Variants in CSMD1 observed in about 807,000 individuals in gnomAD.
CSMD1 encodes the protein CUB and sushi domain-containing protein 1.
Under a neutral mutation model 417.5 loss-of-function variants are expected in CSMD1, and 213 were observed. The ratio of observed to expected loss-of-function variants is 0.51; its 90% CI spans 0.46 to 0.57. The LOEUF (loss-of-function observed/expected upper bound fraction) is 0.57. Among genes scored for constraint, CSMD1 ranks in the 20% least tolerant of loss-of-function variants. The pLI is 0.00. For missense variants in CSMD1, 6,923 were observed against 4,529.7 expected, an observed-to-expected ratio of 1.53 and a Z score of -15.17; for synonymous variants, 2,862 against 1,736.8, an observed-to-expected ratio of 1.65 and a Z score of -16.11.
intron 8 of CSMD1, among the ~76,000 whole-genome samples, chr8:3,592,527 A>C (rs1241399833): frequency 6.6e-6 from 1 of 152,114 alleles, no homozygotes; most frequent in Non-Finnish European, 1.5e-5. Flanking sequence ...GATGGATGGC[A>C]TGGGGGCAGT....
At chr8:4,443,621 A>T (rs925324446) in intron 2 of CSMD1, among the ~76,000 whole-genome samples, 2 of 152,232 alleles carry the variant, frequency 1.3e-5, no homozygotes, top group Non-Finnish European at 2.9e-5. Flanking sequence ...GCATTCAAAG[A>T]ATGTACTGGA....
At chr8:4,256,469 C>T (rs969423590) in intron 3 of CSMD1, among the ~76,000 whole-genome samples, 2 of 152,062 alleles carry the variant, frequency 1.3e-5, no homozygotes, top group South Asian at 2.1e-4. Context: ...ATGAATTAAC[C>T]GAGTACTGGT....
Position 4,946,904 on chromosome 8 carries a change from T to G in CSMD1, c.85+47428A>C, listed in dbSNP as rs191225348. On this transcript the variant is annotated intron_variant, in intron 1 of 69. Transcript: ENST00000635120. The stretch of plus-strand genomic sequence containing the variant: ...TAATAATCAGAAAATATATGTTTCT[T>G]TTAGAAAGACAGAGCATATGTACAT... Among the ~76,000 whole-genome samples the G allele has an allele frequency of 1.3e-3, 205 of 152,316 alleles. 1 individual carries two copies. Among genetic ancestry groups the G allele is most frequent in the African/African-American group, 4.7e-3 (194 of 41,574 alleles).
At chr8:4,403,623 C>A (rs1438677410) in intron 3 of CSMD1, among the ~76,000 whole-genome samples, 1 of 152,172 alleles carries the variant, frequency 6.6e-6, no homozygotes, top group Admixed American at 6.5e-5. Flanking sequence ...TTTTCACCAT[C>A]TGGTCTACTT....
intron 1 of CSMD1, among the ~76,000 whole-genome samples, chr8:4,968,856 G>A (rs1320257161): frequency 5.9e-5 from 9 of 152,208 alleles, no homozygotes; most frequent in East Asian, 1.9e-4. Context: ...ACTGCACACC[G>A]CTTAGTGCTA....
intron 3 of CSMD1, among the ~76,000 whole-genome samples, chr8:4,323,101 G>A (rs186885259): frequency 6.6e-6 from 1 of 152,302 alleles, no homozygotes; most frequent in East Asian, 1.9e-4. Flanking sequence ...AAAATCATAT[G>A]ATTTTAATGA....
At chr8:4,310,834 A>C (rs1798521752) in intron 3 of CSMD1, among the ~76,000 whole-genome samples, 1 of 152,230 alleles carries the variant, frequency 6.6e-6, no homozygotes, top group South Asian at 2.1e-4. Flanking sequence ...CAGCAGCAAG[A>C]CTATCTCAAA....
At chr8:3,281,176 C>G (rs981863528) in intron 26 of CSMD1, among the ~76,000 whole-genome samples, 2 of 152,204 alleles carry the variant, frequency 1.3e-5, no homozygotes, top group Non-Finnish European at 2.9e-5. Context: ...GGCGAGGTGG[C>G]TCACGCCTGT....
intron 3 of CSMD1, among the ~76,000 whole-genome samples, chr8:4,119,880 T>G (rs1291953537): frequency 6.6e-6 from 1 of 152,184 alleles, no homozygotes; most frequent in Non-Finnish European, 1.5e-5. Context: ...TTCGACAAAG[T>G]ACAGGACAGT....
At chr8:4,609,311 G>A (rs1214358865) in intron 2 of CSMD1, among the ~76,000 whole-genome samples, 4 of 152,172 alleles carry the variant, frequency 2.6e-5, no homozygotes, top group Non-Finnish European at 5.9e-5. Context: ...TGAGGTGGGA[G>A]GATTGCTGGA....
Position 4,241,018 on chromosome 8 carries a change from C to A in CSMD1, c.415+178935G>T, listed in dbSNP as rs115086916. Among the ~76,000 whole-genome samples, 998 of 152,312 alleles carry A rather than the reference C, an allele frequency of 6.6e-3. 13 individuals are homozygous for A. The highest frequency in any genetic ancestry group is 0.023 in the African/African-American group (957 of 41,570). On this transcript the variant is annotated intron_variant, in intron 3 of 69. Coordinates refer to ENST00000635120, the MANE Select transcript of CSMD1 (RefSeq NM_033225.6). ...AACGTCTCAGTGAAAACCCATCTGA[C>A]TGACTAGTGTTATTTCTTAGTCTTT...
chr8:3,554,118 T>C (rs1300889558), intron 10 of CSMD1, among the ~76,000 whole-genome samples: 1 of 152,262 alleles, frequency 6.6e-6, no homozygotes, highest in Non-Finnish European at 1.5e-5. Context: ...AATGCATGTC[T>C]AAGCTCATGC....
At chr8:3,838,018 TATCATAAATA>T (rs2129091651) in intron 5 of CSMD1, among the ~76,000 whole-genome samples, 1 of 152,234 alleles carries the variant, frequency 6.6e-6, no homozygotes, top group South Asian at 2.1e-4. Context: ...CCCAACTAAT[TATCATAAATA>T]AATATGTATG....
At chr8:3,668,924 C>G (rs906942084) in intron 7 of CSMD1, among the ~76,000 whole-genome samples, 7 of 152,170 alleles carry the variant, frequency 4.6e-5, no homozygotes, top group Non-Finnish European at 1.0e-4. Context: ...AGCCATAGCT[C>G]TTTGAGAGGC....
At chr8:3,430,765 G>A (rs1231346440) in intron 12 of CSMD1, among the ~76,000 whole-genome samples, 1 of 152,064 alleles carries the variant, frequency 6.6e-6, no homozygotes, top group Non-Finnish European at 1.5e-5. Flanking sequence ...AGCGATCATG[G>A]CCCTGAACTG....
chr8:4,485,438 C>G (rs1801326445), intron 2 of CSMD1, among the ~76,000 whole-genome samples: 1 of 152,178 alleles, frequency 6.6e-6, no homozygotes, highest in Non-Finnish European at 1.5e-5. Context: ...GGAAGGGCTT[C>G]TATGGATTCA....
chr8:3,523,766 C>A (rs1386648615), intron 10 of CSMD1, among the ~76,000 whole-genome samples: 2 of 151,392 alleles, frequency 1.3e-5, no homozygotes, highest in African/African-American at 4.9e-5. Flanking sequence ...CACACACATG[C>A]ACACACATGC....
intron 12 of CSMD1, among the ~76,000 whole-genome samples, chr8:3,462,761 T>C (rs1214816525): frequency 6.6e-6 from 1 of 152,048 alleles, no homozygotes; most frequent in Non-Finnish European, 1.5e-5. Context: ...CTGTCTACCT[T>C]AAAACCGGTC....
At chr8:4,717,279 C>A (rs565092222) in intron 1 of CSMD1, among the ~76,000 whole-genome samples, 5 of 147,882 alleles carry the variant, frequency 3.4e-5, no homozygotes, top group Admixed American at 2.0e-4. Context: ...AAAGAAGCAT[C>A]TCTGACCCTG....
Sources: allele counts gnomAD v4.1 joint callset (sites outside exome capture counted in the v4.1 genomes callset), GRCh38; gene constraint gnomAD v4.1.1; transcripts MANE v1.5; gene names NCBI Gene and HGNC (gene_info 2026-07-23, HGNC 2026-07-21).